IPCEF1: variants seen among roughly 807,000 people sequenced by gnomAD.
IPCEF1 encodes interactor protein for cytohesin exchange factors 1.
Under a neutral mutation model 50.9 loss-of-function variants are expected in IPCEF1, and 31 were observed. The ratio of observed to expected loss-of-function variants is 0.61; its 90% CI spans 0.46 to 0.82. The LOEUF (loss-of-function observed/expected upper bound fraction) is 0.82, where lower values mean the gene tolerates loss of function less well. Ranked by LOEUF, IPCEF1 falls within the 40% of genes least tolerant of loss-of-function variation. The pLI is 0.00. For missense variants in IPCEF1, 458 were observed against 514.0 expected (o/e 0.89, Z 1.05); for synonymous variants, 181 against 192.0 (o/e 0.94, Z 0.47).
chr6:154,292,532 G>C (rs904324973), intron 1 of IPCEF1, among the ~76,000 whole-genome samples: 4 of 152,122 alleles, frequency 2.6e-5, no homozygotes, highest in African/African-American at 9.7e-5. Flanking sequence ...GTCTAGCTCA[G>C]TGGCCAAAAT....
chr6:154,210,522 C>T (rs1031218215), intron 9 of IPCEF1, among the ~76,000 whole-genome samples: 2 of 152,088 alleles, frequency 1.3e-5, no homozygotes, highest in Admixed American at 1.3e-4. Context: ...CTATTCAATA[C>T]AAAGTTGATA....
chr6:154,187,053 C>CT (rs1801435689), intron 10 of IPCEF1, among the ~76,000 whole-genome samples: 1 of 152,220 alleles, frequency 6.6e-6, no homozygotes, highest in Non-Finnish European at 1.5e-5. Flanking sequence ...ACTCCACACT[C>CT]TGTCTTCCTG....
At chr6:154,314,915 C>G (rs955393661) in intron 1 of IPCEF1, among the ~76,000 whole-genome samples, 1 of 145,284 alleles carries the variant, frequency 6.9e-6, no homozygotes, top group Non-Finnish European at 1.5e-5. Context: ...GACAGTGTCT[C>G]TGTCACCCAG....
At chr6:154,187,256 G>C (rs747705342) in intron 10 of IPCEF1, among the ~76,000 whole-genome samples, 2 of 151,962 alleles carry the variant, frequency 1.3e-5, no homozygotes, top group Admixed American at 6.6e-5. Flanking sequence ...CCCCACCTCT[G>C]TCCAGTCTCT....
chr6:154,293,019 A>G (rs1013418506), intron 1 of IPCEF1, among the ~76,000 whole-genome samples: 1 of 152,216 alleles, frequency 6.6e-6, no homozygotes, highest in Admixed American at 6.5e-5. Context: ...TGTTTACAAA[A>G]ACTTTCCAGC....
chr6:154,343,959 A>G (rs1783973602), intron 1 of IPCEF1, among the ~76,000 whole-genome samples: 2 of 151,950 alleles, frequency 1.3e-5, no homozygotes, highest in Non-Finnish European at 2.9e-5. Context: ...TAGAACATCA[A>G]GGCGCCCTGC....
intron 9 of IPCEF1, among the ~76,000 whole-genome samples, chr6:154,206,699 T>C (rs941772386): frequency 6.6e-6 from 1 of 152,188 alleles, no homozygotes; most frequent in African/African-American, 2.4e-5. Context: ...GATGTTCTCA[T>C]GAAGGAATCT....
chr6:154,274,755 CA>C (rs1176916658), intron 2 of IPCEF1, among the ~76,000 whole-genome samples: 1 of 152,170 alleles, frequency 6.6e-6, no homozygotes, highest in African/African-American at 2.4e-5. Context: ...ACACCCTGGC[CA>C]ATCCTCCTCA....
intron 10 of IPCEF1, among the ~76,000 whole-genome samples, chr6:154,192,390 A>C (rs1033039002): frequency 6.6e-6 from 1 of 151,810 alleles, no homozygotes; most frequent in African/African-American, 2.4e-5. Context: ...TTTTAGATAG[A>C]GAGAGAACAC....
At chr6:154,285,870 GA>G (rs764589161) in intron 2 of IPCEF1, among the ~76,000 whole-genome samples, 9 of 152,140 alleles carry the variant, frequency 5.9e-5, no homozygotes, top group Non-Finnish European at 1.0e-4. Flanking sequence ...TTGACACCTT[GA>G]ATCACTTGGT....
At chr6:154,174,055 T>C (rs932272298) in intron 10 of IPCEF1, among the ~76,000 whole-genome samples, 3 of 152,186 alleles carry the variant, frequency 2.0e-5, no homozygotes, top group African/African-American at 7.2e-5. Flanking sequence ...ACCCAGAATT[T>C]CATATCCAGC....
At chr6:154,328,814 C>T (rs930152932) in intron 1 of IPCEF1, among the ~76,000 whole-genome samples, 2 of 152,090 alleles carry the variant, frequency 1.3e-5, no homozygotes, top group African/African-American at 4.8e-5. Flanking sequence ...TCCAGGTTCC[C>T]GGTCTCACTT....
intron 2 of IPCEF1, among the ~76,000 whole-genome samples, chr6:154,283,681 G>A (rs1782285709): frequency 6.6e-6 from 1 of 152,162 alleles, no homozygotes; most frequent in Non-Finnish European, 1.5e-5. Flanking sequence ...AAAGTATACA[G>A]AGAATTCTAA....
rs4870275 is a variant in IPCEF1, at chr6:154,266,994, C to T, written c.-17-1030G>A. Among the ~76,000 whole-genome samples the T allele has an allele frequency of 7.2e-3, 1,087 of 151,962 alleles. 6 individuals carry two copies. Among genetic ancestry groups the T allele is most frequent in the Non-Finnish European group, 9.5e-3 (648 of 67,966 alleles). On this transcript the variant is annotated intron_variant, in intron 2 of 11. Coordinates refer to ENST00000367220, the MANE Select transcript of IPCEF1 (RefSeq NM_001130700.2). ...TTTGTTTCTTACACCAGTGGAGGTC[C>T]CCAAATTCTGAGTAATGGAAACTCC... is the stretch of plus-strand genomic sequence containing the variant.
intron 10 of IPCEF1, among the ~76,000 whole-genome samples, chr6:154,196,673 A>C (rs1228403800): frequency 6.6e-6 from 1 of 152,182 alleles, no homozygotes; most frequent in Non-Finnish European, 1.5e-5. Flanking sequence ...ATTTCTAACA[A>C]AAGAAATGAG....
At chr6:154,238,360 A>G (rs1034059558) in intron 5 of IPCEF1, among the ~76,000 whole-genome samples, 1 of 152,056 alleles carries the variant, frequency 6.6e-6, no homozygotes, top group African/African-American at 2.4e-5. Flanking sequence ...GGTTCAAGCG[A>G]TTCTCCTGCC....
At chr6:154,285,588 C>G (rs1223829596) in intron 2 of IPCEF1, among the ~76,000 whole-genome samples, 1 of 152,124 alleles carries the variant, frequency 6.6e-6, no homozygotes, top group Non-Finnish European at 1.5e-5. Flanking sequence ...AAGGAATAAT[C>G]TCCATATAAG....
intron 2 of IPCEF1, among the ~76,000 whole-genome samples, chr6:154,273,708 C>CTTTTTTTT: frequency 1.8e-5 from 1 of 54,070 alleles, no homozygotes; most frequent in African/African-American, 6.5e-5. Context: ...TTCTTTTTTT[C>CTTTTTTTT]TTTCTTTCTT....
chr6:154,315,838 GGA>G (rs1231922443), intron 1 of IPCEF1, among the ~76,000 whole-genome samples: 1 of 151,774 alleles, frequency 6.6e-6, no homozygotes, highest in African/African-American at 2.4e-5. Flanking sequence ...TTTTTGGGGG[GGA>G]GCGGTGGTGG....
Sources: allele counts gnomAD v4.1 joint callset (sites outside exome capture counted in the v4.1 genomes callset), GRCh38; gene constraint gnomAD v4.1.1; transcripts MANE v1.5; gene names NCBI Gene and HGNC (gene_info 2026-07-23, HGNC 2026-07-21).